Variants in DNM1L observed in about 807,000 individuals in gnomAD.
The protein encoded by DNM1L is dynamin-1-like protein.
A neutral mutation model predicts 92.8 loss-of-function variants in DNM1L; 33 were observed. The observed-to-expected ratio is 0.36, with a 90% CI of 0.27 to 0.48. The LOEUF (loss-of-function observed/expected upper bound fraction) is 0.48, where lower values mean the gene tolerates loss of function less well. Ranked by LOEUF, DNM1L falls within the 20% of genes least tolerant of loss-of-function variation. DNM1L has a pLI of 0.99. For synonymous variants in DNM1L, 284 were observed against 305.0 expected (o/e 0.93, Z 0.72); for missense variants, 485 against 888.8 (o/e 0.55, Z 5.78).
intron 1 of DNM1L, among the ~76,000 whole-genome samples, chr12:32,689,632 CAT>C (rs921151374): frequency 6.6e-5 from 10 of 151,224 alleles, no homozygotes; most frequent in South Asian, 6.3e-4. Context: ...AATATTGAGA[CAT>C]ATATGTTTAC....
chr12:32,730,931 T>C, intron 9 of DNM1L, 83 bp from the exon 10 acceptor site: 2 of 1,592,242 alleles, frequency 1.3e-6, no homozygotes, highest in Non-Finnish European at 8.6e-7. Context: ...TAAGATGAGC[T>C]TAAAGCTTCT....
At chr12:32,717,322 A>T (rs368312053) in intron 6 of DNM1L, among the ~76,000 whole-genome samples, 7 of 68,108 alleles carry the variant, frequency 1.0e-4, no homozygotes, top group African/African-American at 1.4e-4. Flanking sequence ...TTATATATAC[A>T]CTATATATTT....
At position 32,712,649 on chromosome 12, in the gene DNM1L, CAAAAAAAAAAAA is replaced by C. The variant is rs59906286; in HGVS notation, c.457-542_457-531del. Reference sequence around the variant, plus strand: ...TATGTGATAGAGTGAGACCCTGTCTCAAAAAAAAAAAAAAAAAAAAAAAAAAAAAGAAAAAAA... The same window carrying C: ...TATGTGATAGAGTGAGACCCTGTCTCAAAAAAAAAAAAAAAAAGAAAAAAA... On this transcript the variant is annotated intron_variant, in intron 5 of 19. Transcript: ENST00000549701. Among the ~76,000 whole-genome samples the C allele has an allele frequency of 5.4e-4, 16 of 29,792 alleles. No homozygotes were observed. In the South Asian group the frequency reaches 0.025, roughly 47 times the overall value. 19.5% of individuals were successfully genotyped at this position (29,792 alleles called of 152,430 possible). A position where few individuals can be genotyped will look rare whatever the true frequency, so the allele number is the denominator to read the frequency against.
intron 1 of DNM1L, among the ~76,000 whole-genome samples, chr12:32,692,023 C>T (rs1279369604): frequency 6.6e-6 from 1 of 151,884 alleles, no homozygotes; most frequent in African/African-American, 2.4e-5. Flanking sequence ...AGATTCCAAT[C>T]TGTCACAGTA....
intron 2 of DNM1L, among the ~76,000 whole-genome samples, chr12:32,702,252 A>AAG (rs1555116597): frequency 6.8e-6 from 1 of 146,836 alleles, no homozygotes; most frequent in Non-Finnish European, 1.5e-5. Flanking sequence ...AAAAAAAAAA[A>AAG]AAGAAGAAAA....
At chr12:32,705,028 C>T (rs1481265965) in intron 2 of DNM1L, among the ~76,000 whole-genome samples, 1 of 126,858 alleles carries the variant, frequency 7.9e-6, no homozygotes, top group Non-Finnish European at 1.6e-5. Flanking sequence ...TTTTTTAAGG[C>T]AGAGTCTTGC....
chr12:32,713,876 A>G (rs998190829), intron 6 of DNM1L, among the ~76,000 whole-genome samples: 19 of 152,212 alleles, frequency 1.2e-4, no homozygotes, highest in East Asian at 9.6e-4. Context: ...GAATTATGGT[A>G]TCTACATTCT....
intron 1 of DNM1L, among the ~76,000 whole-genome samples, chr12:32,690,005 T>G (rs989448166): frequency 2.6e-5 from 4 of 152,344 alleles, no homozygotes; most frequent in African/African-American, 9.6e-5. Flanking sequence ...TCTGAAGGCC[T>G]TGTAGTGCCA....
chr12:32,723,293 A>G (rs748730353), intron 9 of DNM1L, among the ~76,000 whole-genome samples: 1 of 152,238 alleles, frequency 6.6e-6, no homozygotes, highest in Non-Finnish European at 1.5e-5. Context: ...TTCTTCTGCA[A>G]ACCACATCCC....
chr12:32,701,978 T>G (rs1952719789), intron 2 of DNM1L, among the ~76,000 whole-genome samples: 1 of 149,536 alleles, frequency 6.7e-6, no homozygotes, highest in South Asian at 2.2e-4. Context: ...TCCGCCCGCC[T>G]TGGCCTCCCA....
intron 1 of DNM1L, among the ~76,000 whole-genome samples, chr12:32,697,953 T>G (rs1952538330): frequency 6.6e-6 from 1 of 151,776 alleles, no homozygotes; most frequent in African/African-American, 2.4e-5. Flanking sequence ...TGAGTAGTTA[T>G]GCCTATAAAT....
At chr12:32,686,045 CTTTTTTT>C (rs972264615) in intron 1 of DNM1L, among the ~76,000 whole-genome samples, 3 of 82,688 alleles carry the variant, frequency 3.6e-5, no homozygotes, top group Non-Finnish European at 6.7e-5. Context: ...TAAAATTAGC[CTTTTTTT>C]TTTTTTTTTT....
chr12:32,709,324 A>T (rs573801856), intron 4 of DNM1L, among the ~76,000 whole-genome samples: 1 of 152,268 alleles, frequency 6.6e-6, no homozygotes, highest in Non-Finnish European at 1.5e-5. Context: ...ATTGATCATA[A>T]CATCAGTCTG....
At chr12:32,696,225 TCTTAC>T (rs1169937924) in intron 1 of DNM1L, among the ~76,000 whole-genome samples, 1 of 152,072 alleles carries the variant, frequency 6.6e-6, no homozygotes, top group Non-Finnish European at 1.5e-5. Flanking sequence ...TCACAAAGTC[TCTTAC>T]CTTTATAAGT....
intron 1 of DNM1L, among the ~76,000 whole-genome samples, chr12:32,696,619 T>G (rs1404467368): frequency 6.7e-6 from 1 of 149,478 alleles, no homozygotes; most frequent in Non-Finnish European, 1.5e-5. Context: ...AAAAGAAAAA[T>G]AATCAGATTA....
At chr12:32,704,549 T>TAA in intron 2 of DNM1L, among the ~76,000 whole-genome samples, 1 of 145,084 alleles carries the variant, frequency 6.9e-6, no homozygotes, top group Non-Finnish European at 1.5e-5. Flanking sequence ...GACTCCGTCT[T>TAA]AAAAAAAAAA....
intron 6 of DNM1L, among the ~76,000 whole-genome samples, chr12:32,716,143 A>G (rs943334159): frequency 1.3e-5 from 2 of 152,148 alleles, no homozygotes; most frequent in Non-Finnish European, 2.9e-5. Flanking sequence ...GCCAGACTCA[A>G]AAGGTTATGT....
intron 6 of DNM1L, 23 bp downstream of exon 6, chr12:32,713,394 T>C: frequency 6.2e-7 from 1 of 1,612,512 alleles, no homozygotes; most frequent in South Asian, 1.1e-5. Flanking sequence ...GTTAATTTAA[T>C]GAGATGCTTA....
intron 6 of DNM1L, 55 bp from the exon 7 acceptor site, chr12:32,718,588 T>G: frequency 2.5e-6 from 4 of 1,610,170 alleles, no homozygotes; most frequent in Non-Finnish European, 3.4e-6. Flanking sequence ...ATAGTTGTAT[T>G]TAATGGATCA....
Sources: gnomAD v4.1 joint callset for allele counts (sites outside exome capture counted in the v4.1 genomes callset) on GRCh38, gnomAD v4.1.1 for gene constraint, MANE v1.5 for transcripts, NCBI Gene and HGNC (gene_info 2026-07-23, HGNC 2026-07-21) for gene names.